Variants in SLC16A6 observed in about 807,000 individuals in gnomAD.
SLC16A6 encodes monocarboxylate transporter 7.
Under a neutral mutation model 33.8 loss-of-function variants are expected in SLC16A6, and 15 were observed. The observed-to-expected ratio is 0.44, with a 90% CI of 0.30 to 0.68. SLC16A6 has a LOEUF of 0.68. SLC16A6 is among the 30% of genes least tolerant of loss of function. The probability of loss-of-function intolerance (pLI) is 0.10; values close to 1 mark genes in which losing one functional copy is unlikely to be tolerated. For synonymous variants in SLC16A6, 219 were observed against 248.4 expected, an observed-to-expected ratio of 0.88 and a Z score of 1.11; for missense variants, 451 against 661.5, an observed-to-expected ratio of 0.68 and a Z score of 3.49.
At chr17:68,282,540 T>C (rs1490412857) in intron 1 of SLC16A6, among the ~76,000 whole-genome samples, 1 of 151,548 alleles carries the variant, frequency 6.6e-6, no homozygotes, top group Non-Finnish European at 1.5e-5. Context: ...GGCTCACGCC[T>C]GTAATCCCAG....
At chr17:68,281,365 G>A (rs529250325) in intron 1 of SLC16A6, among the ~76,000 whole-genome samples, 222 of 151,988 alleles carry the variant, frequency 1.5e-3, no homozygotes, top group African/African-American at 5.1e-3. Context: ...TCAAGAGATC[G>A]AGACCATCCT....
Position 68,278,278 on chromosome 17 carries a change from A to C in SLC16A6, c.43T>G (p.Tyr15Asp), listed in dbSNP as rs1555751688. Reference protein sequence around the residue: ...KLKLCSKANVYTEVPDGGWGW... With the variant: ...KLKLCSKANVDTEVPDGGWGW... Reference sequence around the variant, plus strand: ...CATCCTCCATCAGGCACTTCAGTATACACATTGGCTTTGGAACAAAGCTTT... The same window carrying C: ...CATCCTCCATCAGGCACTTCAGTATCCACATTGGCTTTGGAACAAAGCTTT... The change falls in exon 2 of 6, where the codon TAT (tyrosine) becomes GAT (aspartate). Residue 15 changes from tyrosine to aspartate, a missense_variant. Coordinates refer to ENST00000580666, the MANE Select transcript of SLC16A6 (RefSeq NM_004694.5). 1.2e-6 allele frequency: 2 copies of C among 1,614,040 alleles called. No homozygotes were observed. The highest frequency in any genetic ancestry group is 2.7e-5 in the African/African-American group (2 of 74,918).
At chr17:68,285,572 C>T (rs1212717685) in intron 1 of SLC16A6, 3 of 152,052 alleles carry the variant, frequency 2.0e-5, no homozygotes, top group African/African-American at 4.8e-5. Context: ...CGGGAGGCTG[C>T]GGTGGGAGAA....
intron 1 of SLC16A6, among the ~76,000 whole-genome samples, chr17:68,289,815 A>G (rs1454144601): frequency 2.0e-5 from 3 of 152,198 alleles, no homozygotes; most frequent in South Asian, 2.1e-4. Context: ...CACAGAAGGA[A>G]AACTCAGGGT....
intron 1 of SLC16A6, among the ~76,000 whole-genome samples, chr17:68,282,820 T>C (rs1361659801): frequency 2.6e-5 from 3 of 115,230 alleles, no homozygotes; most frequent in East Asian, 4.8e-4. Context: ...TGCTGGTGGG[T>C]GCCTGTAACC....
intron 1 of SLC16A6, among the ~76,000 whole-genome samples, chr17:68,281,676 C>T (rs1555752844): frequency 6.6e-6 from 1 of 152,144 alleles, no homozygotes; most frequent in Non-Finnish European, 1.5e-5. Context: ...CTCAACATCA[C>T]AAATCATTAC....
In SLC16A6 at chr17:68,278,245, C is replaced by T. The variant is rs1446972219; in HGVS notation, c.76G>A (p.Ala26Thr). ...TEVPDGGWGW[A>T]VAVSFFFVEV... The stretch of plus-strand genomic sequence containing the variant: ...ACGAAGAAAAATGAAACAGCTACCG[C>T]CCAGCCCCATCCTCCATCAGGCACT... Residue 26 changes from alanine (A) to threonine (T), a missense_variant, in exon 2 of 6, where the codon GCG becomes ACG. Ala to Thr is a moderately conservative substitution (Grantham distance 58). Transcript: ENST00000580666. 1.1e-5 allele frequency: 17 copies of T among 1,614,080 alleles called. No individual in the cohort carries two copies. The highest frequency in any genetic ancestry group is 1.4e-5 in the Non-Finnish European group (17 of 1,180,032).
upstream of SLC16A6, chr17:68,291,249 C>G (rs2075975815): frequency 6.6e-6 from 1 of 151,294 alleles, no homozygotes; most frequent in African/African-American, 2.4e-5. Context: ...GGCCCGAGCG[C>G]CCGGGCCCTC....
intron 2 of SLC16A6, among the ~76,000 whole-genome samples, chr17:68,276,666 C>T (rs369806711): frequency 4.7e-4 from 72 of 152,174 alleles, no homozygotes; most frequent in African/African-American, 1.7e-3. Flanking sequence ...GTTGCCCAGG[C>T]TAGTCTCAAA....
intron 2 of SLC16A6, among the ~76,000 whole-genome samples, chr17:68,276,093 C>G (rs1278577156): frequency 6.6e-6 from 1 of 151,978 alleles, no homozygotes; most frequent in African/African-American, 2.4e-5. Context: ...ATTTCTCTCT[C>G]TCTCTTTTTT....
intron 2 of SLC16A6, among the ~76,000 whole-genome samples, chr17:68,277,539 C>T (rs1210660829): frequency 2.0e-5 from 3 of 152,194 alleles, no homozygotes; most frequent in Non-Finnish European, 2.9e-5. Context: ...AAGCAATTCT[C>T]GTGCCTCAGC....
rs879950263 is a variant in SLC16A6 at position 68,268,901 on chromosome 17, C to CAAA, written c.*192_*194dup. On this transcript the variant is annotated 3_prime_UTR_variant, in exon 6 of 6. Coordinates refer to ENST00000580666, the MANE Select transcript of SLC16A6 (RefSeq NM_004694.5). ...TTTTTGTTTTGGCTTTAAAAACAAG[C>CAAA]AAAAAAAAAAAGCTTAAAACAAAAC... The CAAA allele has an allele frequency of 3.5e-5, 35 of 1,006,520 alleles. No individual in the cohort carries two copies. The highest frequency in any genetic ancestry group is 4.3e-5 in the Non-Finnish European group (32 of 742,670). 62.3% of individuals were successfully genotyped at this position (1,006,520 alleles called of 1,614,324 possible). A position where few individuals can be genotyped will look rare whatever the true frequency, so the allele number is the denominator to read the frequency against.
In SLC16A6 at chr17:68,277,982, G is replaced by A. The variant is rs996734299; in HGVS notation, c.232+107C>T. ...TCAGGGCTAGGAAGGACCAACAGGC[G>A]TATAAGGGAATGAAAGCATCACAAA... On this transcript the variant is annotated intron_variant, in intron 2 of 5. Transcript: ENST00000580666. 256 of 715,264 alleles carry A rather than the reference G, an allele frequency of 3.6e-4. 3 individuals carry two copies. The highest frequency in any genetic ancestry group is 1.2e-4 in the Non-Finnish European group (49 of 424,786). The allele number at this position is 715,264 out of a possible 1,614,324, so 44.3% of individuals were successfully genotyped here. A position where few individuals can be genotyped will look rare whatever the true frequency, so the allele number is the denominator to read the frequency against.
chr17:68,276,780 C>G (rs960110304), intron 2 of SLC16A6, among the ~76,000 whole-genome samples: 8 of 152,002 alleles, frequency 5.3e-5, no homozygotes, highest in African/African-American at 1.9e-4. Context: ...GTGAGTTCAA[C>G]AGCCCTTTTC....
At chr17:68,276,116 C>G (rs1383851158) in intron 2 of SLC16A6, among the ~76,000 whole-genome samples, 1 of 151,468 alleles carries the variant, frequency 6.6e-6, no homozygotes, top group Non-Finnish European at 1.5e-5. Flanking sequence ...TTTTTTGAGA[C>G]AGAGTCTTGC....
Position 68,267,840 on chromosome 17 carries a change from G to C in SLC16A6, c.*1256C>G, listed in dbSNP as rs1555746887. 1 of 152,172 alleles carries C rather than the reference G, an allele frequency of 6.6e-6. No individual in the cohort carries two copies. The highest frequency in any genetic ancestry group is 1.5e-5 in the Non-Finnish European group (1 of 68,034). 9.4% of individuals were successfully genotyped at this position (152,172 alleles called of 1,614,324 possible). ...TAGACCAATCAAGTCATGTGTTATA[G>C]AAGATGTAAATTGCAACTTGTAACT... On this transcript the variant is annotated 3_prime_UTR_variant, in exon 6 of 6. Transcript: ENST00000580666.
chr17:68,289,913 C>A (rs1315335032), intron 1 of SLC16A6, among the ~76,000 whole-genome samples: 1 of 152,186 alleles, frequency 6.6e-6, no homozygotes, highest in Admixed American at 6.5e-5. Flanking sequence ...GGACACTCTT[C>A]CCTTAATTAT....
chr17:68,282,666 G>A (rs575557644), intron 1 of SLC16A6, among the ~76,000 whole-genome samples: 7 of 150,980 alleles, frequency 4.6e-5, no homozygotes, highest in African/African-American at 9.7e-5. Context: ...TAGCAGTGCC[G>A]GGCATGGTGG....
chr17:68,270,762 T>C, intron 5 of SLC16A6, 77 bp downstream of exon 5: 3 of 1,311,660 alleles, frequency 2.3e-6, no homozygotes, highest in Non-Finnish European at 2.1e-6. Flanking sequence ...TAAGTTTTTT[T>C]TATGGCTTGA....
Sources: allele counts gnomAD v4.1 joint callset (sites outside exome capture counted in the v4.1 genomes callset), GRCh38; gene constraint gnomAD v4.1.1; transcripts MANE v1.5; gene names NCBI Gene and HGNC (gene_info 2026-07-23, HGNC 2026-07-21).